Variants in NLRP5 observed in about 807,000 individuals in gnomAD.
The protein encoded by NLRP5 is NACHT, LRR and PYD domains-containing protein 5.
NLRP5 carries 93 observed loss-of-function variants against 113.1 expected under a neutral mutation model. That is an observed-to-expected ratio of 0.82 (90% CI 0.70 to 0.98). The LOEUF is 0.98. Among genes scored for constraint, NLRP5 ranks in the 50% least tolerant of loss-of-function variants. The pLI, the probability that NLRP5 is intolerant of heterozygous loss-of-function variation, is 0.00. For missense variants in NLRP5, 1,808 were observed against 1,514.3 expected (o/e 1.19, Z -3.22); for synonymous variants, 751 against 600.7 (o/e 1.25, Z -3.66).
intron 10 of NLRP5, among the ~76,000 whole-genome samples, chr19:56,039,819 C>T (rs1302818214): frequency 5.3e-5 from 8 of 152,124 alleles, no homozygotes. Flanking sequence ...GAGGCTGAGG[C>T]AGGAGACTCA....
At position 56,028,395 on chromosome 19, in the gene NLRP5, T is replaced by A; in HGVS notation, c.2162T>A (p.Ile721Lys). 1.2e-6 allele frequency: 2 copies of A among 1,613,998 alleles called. No individual in the cohort carries two copies. Among genetic ancestry groups the A allele is most frequent in the Non-Finnish European group, 1.7e-6 (2 of 1,179,882 alleles). ...CCGATTAACCAGAACCTGGACTTGA[T>A]AGCATCTTCCTTCTGCCTCCAGCAC... The change falls in exon 7 of 15, where the codon ATA (isoleucine) becomes AAA (lysine). Residue 721 changes from isoleucine to lysine, a missense_variant. By Grantham distance (102) the Ile-to-Lys change is moderately radical (BLOSUM62 -3). Transcript: ENST00000390649.
chr19:56,001,339 AC>A (rs1429196807), intron 1 of NLRP5, among the ~76,000 whole-genome samples: 128 of 150,640 alleles, frequency 8.5e-4, no homozygotes, highest in Middle Eastern at 3.4e-3. Flanking sequence ...AAAAAAACAA[AC>A]AAAAAACACC....
chr19:55,996,879 T>C (rs1210936040), upstream of NLRP5, among the ~76,000 whole-genome samples: 2 of 152,198 alleles, frequency 1.3e-5, no homozygotes, highest in African/African-American at 4.8e-5. Context: ...TCAAATGGTA[T>C]TTCTAGTTCT....
intron 12 of NLRP5, among the ~76,000 whole-genome samples, chr19:56,051,433 T>C (rs1271206867): frequency 6.6e-6 from 1 of 152,140 alleles, no homozygotes; most frequent in Admixed American, 6.6e-5. Flanking sequence ...CCTCAGGCAA[T>C]CCACCCACTT....
intron 3 of NLRP5, among the ~76,000 whole-genome samples, chr19:56,013,700 G>A (rs897888600): frequency 1.4e-5 from 2 of 145,334 alleles, no homozygotes; most frequent in Admixed American, 1.5e-4. Context: ...CTATACCTAG[G>A]AGTGGAAGTG....
rs775936118 is a variant in NLRP5, at chr19:56,027,866, G to T, written c.1633G>T (p.Val545Leu). ...GGAGGGAGTGTGGAATAGGAAGTCA[G>T]TGTTTGACGGTGACGACCTCATGGT... The change falls in exon 7 of 15, where the codon GTG (valine) becomes TTG (leucine). Residue 545 changes from valine to leucine, a missense_variant. Physicochemically the swap from Val to Leu is conservative, Grantham distance 32. Coordinates refer to ENST00000390649, the MANE Select transcript of NLRP5 (RefSeq NM_153447.4). 1 of 1,613,952 alleles carries T rather than the reference G, an allele frequency of 6.2e-7. No homozygotes were observed.
At chr19:56,007,911 G>GGGCACAGAAAGAAGTAGAAATGGAAGA (rs1568483120) in intron 2 of NLRP5, among the ~76,000 whole-genome samples, 2 of 31,080 alleles carry the variant, frequency 6.4e-5, no homozygotes, top group Non-Finnish European at 1.1e-4. Context: ...GTGCGTGTGT[G>GGGCACAGAAAGAAGTAGAAATGGAAGA]TGTGTGTGTG....
chr19:56,043,539 A>ATTATTT (rs1568498691), intron 11 of NLRP5, among the ~76,000 whole-genome samples: 4 of 27,032 alleles, frequency 1.5e-4, no homozygotes, highest in African/African-American at 5.2e-4. Flanking sequence ...TTACTCTGCT[A>ATTATTT]TTCTTTTTTT....
chr19:56,036,270 G>T lies in NLRP5; in HGVS notation c.2616-1755G>T, dbSNP rs141815120. Among the ~76,000 whole-genome samples the T allele has an allele frequency of 4.2e-3, 631 of 151,658 alleles. 6 individuals carry two copies. Among genetic ancestry groups the T allele is most frequent in the African/African-American group, 0.014 (587 of 41,382 alleles). ...TTTAAGTAGAGACAGGGTTTCACCA[G>T]GTTAGCCAGGATGGTCTCGATCTCC... On this transcript the variant is annotated intron_variant, in intron 9 of 14. Coordinates refer to ENST00000390649, the MANE Select transcript of NLRP5 (RefSeq NM_153447.4).
chr19:56,033,117 G>T (rs929892314), intron 8 of NLRP5, among the ~76,000 whole-genome samples: 1 of 152,162 alleles, frequency 6.6e-6, no homozygotes, highest in Non-Finnish European at 1.5e-5. Flanking sequence ...AGGGCATGGT[G>T]GTACGTGCCT....
At chr19:56,013,596 G>GGTTTTTTTTTTTTTTTTTTTTTTTTT (rs1555765383) in intron 3 of NLRP5, among the ~76,000 whole-genome samples, 6 of 59,288 alleles carry the variant, frequency 1.0e-4, no homozygotes, top group Non-Finnish European at 1.4e-4. Context: ...GGACATTTGG[G>GGTTTTTTTTTTTTTTTTTTTTTTTTT]TTTTTTTTTT....
rs759372415 is a variant in NLRP5, at chr19:56,032,601, C to G, written c.2277-10C>G. The G allele has an allele frequency of 2.5e-6, 4 of 1,609,042 alleles. No homozygotes were observed. The highest frequency in any genetic ancestry group is 3.4e-6 in the Non-Finnish European group (4 of 1,176,810). ...CCCATGAGCCCATGTTTCTATCCCC[C>G]CTGACATAGGATGCGGGATAAGACC... On this transcript the variant is annotated splice_polypyrimidine_tract_variant and intron_variant, in intron 7 of 14. Transcript: ENST00000390649.
chr19:56,038,818 C>T (rs547845767), intron 10 of NLRP5, among the ~76,000 whole-genome samples: 82 of 152,190 alleles, frequency 5.4e-4, no homozygotes, highest in Non-Finnish European at 9.0e-4. Context: ...AGGGATATCA[C>T]TTCTTTCCTT....
chr19:56,027,822 G>A lies in NLRP5; in HGVS notation c.1589G>A (p.Arg530His), dbSNP rs1278871178. 11 of 1,613,882 alleles carry A rather than the reference G, an allele frequency of 6.8e-6. No individual in the cohort carries two copies. Among genetic ancestry groups the A allele is most frequent in the South Asian group, 5.5e-5 (5 of 91,090 alleles). The change falls in exon 7 of 15, where the codon CGC (arginine) becomes CAC (histidine). Residue 530 changes from arginine to histidine, a missense_variant. Transcript: ENST00000390649. ...CTGGAGGAAAGAGTTGTCCTGAAGC[G>A]CTTCTGCCGTATGGCTGTGGAGGGA... is the stretch of plus-strand genomic sequence containing the variant.
chr19:56,045,570 A>G (rs1599906439), intron 11 of NLRP5, among the ~76,000 whole-genome samples: 1 of 151,892 alleles, frequency 6.6e-6, no homozygotes, highest in African/African-American at 2.4e-5. Flanking sequence ...CGACCCCACA[A>G]CAGGCCCCAG....
intron 13 of NLRP5, among the ~76,000 whole-genome samples, chr19:56,055,757 G>A (rs997656057): frequency 6.6e-6 from 1 of 151,492 alleles, no homozygotes; most frequent in Non-Finnish European, 1.5e-5. Context: ...GTGTTAGCCA[G>A]GATGGTCTCA....
chr19:55,989,245 G>C, the NLRP5 span, among the ~76,000 whole-genome samples: 3 of 151,964 alleles, frequency 2.0e-5, no homozygotes, highest in Admixed American at 6.6e-5. Context: ...GTACTTTTTA[G>C]TATTTGGTGA....
chr19:56,048,534 AC>A (rs1983808243), intron 11 of NLRP5, among the ~76,000 whole-genome samples: 2 of 151,650 alleles, frequency 1.3e-5, no homozygotes, highest in South Asian at 4.2e-4. Context: ...TGTTCAAGGA[AC>A]AAACAAGGGC....
rs771396943 is a variant in NLRP5, at chr19:56,028,433, C to T, written c.2200C>T (p.Arg734Trp). 37 of 1,613,790 alleles carry T rather than the reference C, an allele frequency of 2.3e-5. No homozygotes were observed. The highest frequency in any genetic ancestry group is 8.9e-5 in the East Asian group (4 of 44,896). ...CTGCCTCCAGCACTGTCCGTATTTG[C>T]GGAAAATTCGGGTGGATGTCAAAGG... Residue 734 changes from arginine to tryptophan, a missense_variant, in exon 7 of 15, where the codon CGG (arginine) becomes TGG (tryptophan). Physicochemically the swap from Arg to Trp is moderately radical, Grantham distance 101. Transcript: ENST00000390649.
Sources: allele counts gnomAD v4.1 joint callset (sites outside exome capture counted in the v4.1 genomes callset), GRCh38; gene constraint gnomAD v4.1.1; transcripts MANE v1.5; gene names NCBI Gene and HGNC (gene_info 2026-07-23, HGNC 2026-07-21).